PPP2R2D: variants seen among roughly 807,000 people sequenced by gnomAD.
The protein encoded by PPP2R2D is serine/threonine-protein phosphatase 2A 55 kDa regulatory subunit B delta isoform.
PPP2R2D carries 9 observed loss-of-function variants against 31.1 expected under a neutral mutation model. The ratio of observed to expected loss-of-function variants is 0.29; its 90% CI spans 0.17 to 0.51. PPP2R2D has a LOEUF of 0.51. PPP2R2D is among the 20% of genes least tolerant of loss of function. PPP2R2D has a pLI of 0.98. For missense variants in PPP2R2D, 391 were observed against 465.6 expected, an observed-to-expected ratio of 0.84 and a Z score of 1.48; for synonymous variants, 179 against 172.6, an observed-to-expected ratio of 1.04 and a Z score of -0.29.
the PPP2R2D span, chr10:131,971,112 G>A: frequency 1.4e-6 from 1 of 738,974 alleles, no homozygotes; most frequent in Non-Finnish European, 2.2e-6. Flanking sequence ...CGTGGTCCAA[G>A]GGGAGTCCTG....
Position 131,945,281 on chromosome 10 carries a change from C to G in PPP2R2D, c.656-14C>G. ...AGCTGAGCTGAGCACTGTGCCTTAA[C>G]CATGCACTCCCAGACATCGTGGACA... is the stretch of plus-strand genomic sequence containing the variant. On this transcript the variant is annotated splice_polypyrimidine_tract_variant and intron_variant, in intron 6 of 8. Transcript: ENST00000455566. The surrounding 1 kb of genome is among the most constrained non-coding windows in gnomAD (Gnocchi z 4.8). 1.9e-6 allele frequency: 3 copies of G among 1,610,218 alleles called. No individual in the cohort carries two copies. Among genetic ancestry groups the G allele is most frequent in the Non-Finnish European group, 2.5e-6 (3 of 1,177,872 alleles).
chr10:131,955,665 C>T lies in PPP2R2D; in HGVS notation c.1083-19C>T. On this transcript the variant is annotated intron_variant, in intron 8 of 8. Transcript: ENST00000455566. ...TCCCCCCACTGAGGAGTGCTGCTGT[C>T]TGCTCTTGTTTTGAACAGCGCCATC... 1 of 1,407,320 alleles carries T rather than the reference C, an allele frequency of 7.1e-7. No homozygotes were observed. The highest frequency in any genetic ancestry group is 9.3e-7 in the Non-Finnish European group (1 of 1,072,716). The allele number at this position is 1,407,320 out of a possible 1,614,324, so 87.2% of individuals were successfully genotyped here.
At chr10:131,921,506 C>G (rs1249830725) in intron 2 of PPP2R2D, among the ~76,000 whole-genome samples, 1 of 151,920 alleles carries the variant, frequency 6.6e-6, no homozygotes, top group Non-Finnish European at 1.5e-5. Context: ...ATGGGAGGAG[C>G]CTGCAAAGGG....
intron 8 of PPP2R2D, among the ~76,000 whole-genome samples, chr10:131,949,193 G>A (rs2036597440): frequency 1.3e-5 from 2 of 152,176 alleles, no homozygotes; most frequent in African/African-American, 4.8e-5. Flanking sequence ...CTGGCAGCAT[G>A]AGCCTCTCGT....
Position 131,918,780 on chromosome 10 carries a change from GTGTT to G in PPP2R2D, c.101-15674_101-15671del, listed in dbSNP as rs782387473. Reference sequence around the variant, plus strand: ...GACCTCACACGGGTGGAATGACACAGTGTTTGTAGGGACCTCACGCGGGTGGAAT... The same window carrying G: ...GACCTCACACGGGTGGAATGACACAGTGTAGGGACCTCACGCGGGTGGAAT... On this transcript the variant is annotated intron_variant, in intron 2 of 8. Coordinates refer to ENST00000455566, the MANE Select transcript of PPP2R2D (RefSeq NM_018461.5). Among the ~76,000 whole-genome samples, 294 of 149,836 alleles carry G rather than the reference GTGTT, an allele frequency of 2.0e-3. 1 individual carries two copies. Among genetic ancestry groups the G allele is most frequent in the Non-Finnish European group, 3.8e-3 (256 of 67,452 alleles).
intron 2 of PPP2R2D, among the ~76,000 whole-genome samples, chr10:131,925,980 C>T (rs1282136648): frequency 1.3e-5 from 2 of 152,142 alleles, no homozygotes; most frequent in Admixed American, 1.3e-4. Context: ...GATTTATTTC[C>T]CTTACTGGGC....
chr10:131,923,621 C>T (rs982917355), intron 2 of PPP2R2D, among the ~76,000 whole-genome samples: 3 of 152,150 alleles, frequency 2.0e-5, no homozygotes, highest in Non-Finnish European at 4.4e-5. Context: ...TAATTTTAGC[C>T]ATCCTAATAG....
chr10:131,933,357 T>C (rs560325277), intron 2 of PPP2R2D, among the ~76,000 whole-genome samples: 1 of 152,312 alleles, frequency 6.6e-6, no homozygotes, highest in South Asian at 2.1e-4. Context: ...TAGTAGGTTG[T>C]TTACAATAGC....
rs1166476948 is a variant in PPP2R2D at position 131,956,349 on chromosome 10, C to T, written c.*386C>T. 3.0e-6 allele frequency: 3 copies of T among 988,260 alleles called. No individual in the cohort carries two copies. Among genetic ancestry groups the T allele is most frequent in the African/African-American group, 1.7e-5 (1 of 57,370 alleles). 61.2% of individuals were successfully genotyped at this position (988,260 alleles called of 1,614,324 possible). A position where few individuals can be genotyped will look rare whatever the true frequency, so the allele number is the denominator to read the frequency against. On this transcript the variant is annotated 3_prime_UTR_variant, in exon 9 of 9. Transcript: ENST00000455566. ...AACTTTCCCTCTTTCTCTGCCATCA[C>T]ACTTGGGCCTTCACTGCAGCGTGGT... is the stretch of plus-strand genomic sequence containing the variant.
intron 2 of PPP2R2D, among the ~76,000 whole-genome samples, chr10:131,915,900 T>C (rs980144057): frequency 5.3e-5 from 8 of 152,224 alleles, no homozygotes; most frequent in Non-Finnish European, 8.8e-5. Flanking sequence ...TGTGTAATAG[T>C]GATCTTAAAA....
At chr10:131,916,163 A>G (rs559726278) in intron 2 of PPP2R2D, among the ~76,000 whole-genome samples, 1 of 152,302 alleles carries the variant, frequency 6.6e-6, no homozygotes, top group South Asian at 2.1e-4. Flanking sequence ...GCGCCCTGAT[A>G]ACCTCCGTGT....
At chr10:131,901,946 T>A (rs2035506987) in intron 2 of PPP2R2D, among the ~76,000 whole-genome samples, 1 of 152,208 alleles carries the variant, frequency 6.6e-6, no homozygotes, top group African/African-American at 2.4e-5. Flanking sequence ...AGGTCTCTAT[T>A]CCAGATTTTA....
chr10:131,940,278 T>C, intron 4 of PPP2R2D, 82 bp downstream of exon 4: 1 of 572,606 alleles, frequency 1.7e-6, no homozygotes, highest in Non-Finnish European at 3.2e-6. Context: ...CTTTTTATTT[T>C]AGAAGTTATT....
chr10:131,934,032 T>TAA (rs2036292780), intron 2 of PPP2R2D, among the ~76,000 whole-genome samples: 1 of 152,218 alleles, frequency 6.6e-6, no homozygotes, highest in Admixed American at 6.5e-5. Context: ...AACAACATTT[T>TAA]TATTACTATT....
intron 2 of PPP2R2D, among the ~76,000 whole-genome samples, chr10:131,917,996 A>T (rs1343017597): frequency 2.3e-4 from 31 of 131,994 alleles, no homozygotes; most frequent in African/African-American, 7.4e-4. Context: ...GTTTGCAGGG[A>T]CCTCACGTGG....
rs1554900358 is a variant in PPP2R2D at position 131,957,759 on chromosome 10, A to G, written c.*1796A>G. On this transcript the variant is annotated 3_prime_UTR_variant, in exon 9 of 9. Coordinates refer to ENST00000455566, the MANE Select transcript of PPP2R2D (RefSeq NM_018461.5). ...CCTGTGGAGATGAAGGGGTGTGCCA[A>G]TCCCCCGCGCCCCTGTGGAGATGGA... 1.5e-5 allele frequency: 2 copies of G among 132,956 alleles called. No individual in the cohort carries two copies. The highest frequency in any genetic ancestry group is 1.7e-4 in the Admixed American group (2 of 11,994). 8.2% of individuals were successfully genotyped at this position (132,956 alleles called of 1,614,324 possible).
intron 2 of PPP2R2D, among the ~76,000 whole-genome samples, chr10:131,910,733 C>G (rs1441348990): frequency 6.6e-6 from 1 of 152,140 alleles, no homozygotes; most frequent in Admixed American, 6.5e-5. Context: ...GGCCGGCAAC[C>G]CCTGGGTAGC....
intron 2 of PPP2R2D, among the ~76,000 whole-genome samples, chr10:131,905,123 T>A (rs2119704852): frequency 6.6e-6 from 1 of 152,224 alleles, no homozygotes; most frequent in South Asian, 2.1e-4. Context: ...TTATTAAGTG[T>A]CCTGCTGATG....
chr10:131,917,779 A>G (rs2035845969), intron 2 of PPP2R2D, among the ~76,000 whole-genome samples: 2 of 113,934 alleles, frequency 1.8e-5, no homozygotes, highest in Non-Finnish European at 3.6e-5. Flanking sequence ...GGAATGACAC[A>G]GTGTAGGGAC....
Sources: gnomAD v4.1 joint callset for allele counts (sites outside exome capture counted in the v4.1 genomes callset) on GRCh38, gnomAD v4.1.1 for gene constraint, Gnocchi (gnomAD v3.1) non-coding constraint, MANE v1.5 for transcripts, NCBI Gene and HGNC (gene_info 2026-07-23, HGNC 2026-07-21) for gene names.